Variants in HRNR observed in about 807,000 individuals in gnomAD.
HRNR encodes filaggrin family member 3.
Under a neutral mutation model 4.8 loss-of-function variants are expected in HRNR, and 7 were observed. That is an observed-to-expected ratio of 1.47 (90% CI 0.83 to 2.75). The LOEUF (loss-of-function observed/expected upper bound fraction) is 2.75. Ranked by LOEUF, HRNR falls within the 30% of genes most tolerant of loss-of-function variation. The pLI, the probability that HRNR is intolerant of heterozygous loss-of-function variation, is 0.00. For missense variants in HRNR, 2,879 were observed against 3,010.4 expected (o/e 0.96, Z 1.02); for synonymous variants, 1,023 against 1,242.7 (o/e 0.82, Z 3.72).
rs1365369563 is a variant in HRNR, at chr1:152,220,920, T to C, written c.709A>G (p.Ser237Gly). 1 of 1,613,488 alleles carries C rather than the reference T, an allele frequency of 6.2e-7. No homozygotes were observed. Among genetic ancestry groups the C allele is most frequent in the East Asian group, 2.2e-5 (1 of 44,810 alleles). Residue 237 changes from serine (S) to glycine (G), a missense_variant, in exon 3 of 3, where the codon AGC becomes GGC. By Grantham distance (56) the Ser-to-Gly change is moderately conservative. Transcript: ENST00000368801. ...QSSGFSQHKSSSGQSSGYSQH... is the reference protein window; with the variant it reads ...QSSGFSQHKSGSGQSSGYSQH... ...CTGTAACCAGAGGACTGCCCTGAGC[T>C]AGACTTGTGTTGACTAAAGCCAGAA...
intron 1 of HRNR, among the ~76,000 whole-genome samples, 172 bp downstream of exon 1, chr1:152,223,971 C>T (rs901885185): frequency 6.6e-6 from 1 of 152,134 alleles, no homozygotes; most frequent in African/African-American, 2.4e-5. Flanking sequence ...TATACATAGT[C>T]CTAGTCTTTG....
rs921378070 is a variant in HRNR at position 152,220,482 on chromosome 1, G to A, written c.1147C>T (p.Gln383Ter). The A allele has an allele frequency of 5.0e-6, 8 of 1,612,270 alleles. No individual in the cohort carries two copies. The highest frequency in any genetic ancestry group is 6.8e-6 in the Non-Finnish European group (8 of 1,178,900). The change falls in exon 3 of 3, where the codon CAG (glutamine) becomes TAG (stop). Residue 383 changes from glutamine (Q) to a stop codon, truncating the protein, a stop_gained. Coordinates refer to ENST00000368801, the MANE Select transcript of HRNR (RefSeq NM_001009931.3). LOFTEE classifies it low-confidence loss of function (END_TRUNC). ...CCATGTTGGCCAGAGCTTGATGCCTGCCCTGACGTAGATCCATGTTGTCCC... is the reference window on the plus strand; with the variant it reads ...CCATGTTGGCCAGAGCTTGATGCCTACCCTGACGTAGATCCATGTTGTCCC... ...SQGQHGSTSG[Q>*]ASSSGQHGSS...
rs781244045 is a variant in HRNR at position 152,220,935 on chromosome 1, T to C, written c.694A>G (p.Ser232Gly). ...TGCCCTGAGCTAGACTTGTGTTGAC[T>C]AAAGCCAGAAGACTGGCCTGAGCCA... ...GSGSGQSSGF[S>G]QHKSSSGQSS... Residue 232 changes from serine to glycine, a missense_variant, in exon 3 of 3, where the codon AGT becomes GGT. Ser to Gly is a moderately conservative substitution (Grantham distance 56, BLOSUM62 0). Coordinates refer to ENST00000368801, the MANE Select transcript of HRNR (RefSeq NM_001009931.3). The C allele has an allele frequency of 3.7e-5, 60 of 1,611,730 alleles. No individual in the cohort carries two copies. Among genetic ancestry groups the C allele is most frequent in the East Asian group, 8.9e-5 (4 of 44,818 alleles).
In HRNR at chr1:152,218,552, G is replaced by A. The variant is rs1470169128; in HGVS notation, c.3077C>T (p.Pro1026Leu). 4 of 1,612,378 alleles carry A rather than the reference G, an allele frequency of 2.5e-6. No homozygotes were observed. The highest frequency in any genetic ancestry group is 3.4e-6 in the Non-Finnish European group (4 of 1,179,540). Residue 1026 changes from proline (P) to leucine (L), a missense_variant, in exon 3 of 3, where the codon CCA (proline) becomes CTA (leucine). Pro to Leu is a moderately conservative substitution (Grantham distance 98). Coordinates refer to ENST00000368801, the MANE Select transcript of HRNR (RefSeq NM_001009931.3). ...AGACCACCCTGAGCCAGACCTATATGGGCCATAGCTGGAAGACTGCCCGGA... is the reference window on the plus strand; with the variant it reads ...AGACCACCCTGAGCCAGACCTATATAGGCCATAGCTGGAAGACTGCCCGGA... ...SGSGQSSSYG[P>L]YRSGSGWSSS...
chr1:152,223,062 A>T, intron 2 of HRNR, 54 bp downstream of exon 2: 1 of 1,558,606 alleles, frequency 6.4e-7, no homozygotes, highest in South Asian at 1.1e-5. Flanking sequence ...AGAAGGTGGA[A>T]AGGGATAAAG....
intron 2 of HRNR, among the ~76,000 whole-genome samples, chr1:152,221,708 T>G (rs760502921): frequency 6.6e-6 from 1 of 152,144 alleles, no homozygotes; most frequent in Non-Finnish European, 1.5e-5. Flanking sequence ...AGGATGCAAC[T>G]GGAAGATGAA....
chr1:152,219,742 G>A lies in HRNR; in HGVS notation c.1887C>T (p.Thr629=), dbSNP rs559142547. The A allele has an allele frequency of 6.2e-7, 1 of 1,613,058 alleles. No homozygotes were observed. The highest frequency in any genetic ancestry group is 1.3e-5 in the African/African-American group (1 of 74,730). ...GACCGTGGCTGGAAGACTGACCTGA[G>A]GTAGCTCCATGTTGGCCACAGCTCG... ...QSSSCGQHGA[T]SGQSSSHGQH... Residue 629 remains threonine, a synonymous_variant, in exon 3 of 3, where the codon ACC becomes ACT. Coordinates refer to ENST00000368801, the MANE Select transcript of HRNR (RefSeq NM_001009931.3).
chr1:152,222,528 T>TGA (rs1019119369), intron 2 of HRNR, among the ~76,000 whole-genome samples: 59 of 152,120 alleles, frequency 3.9e-4, no homozygotes, highest in African/African-American at 1.3e-3. Flanking sequence ...TGGTGTCTGC[T>TGA]GAGAGAGAGA....
In HRNR at chr1:152,218,811, G is replaced by A. The variant is rs759331000; in HGVS notation, c.2818C>T (p.Gln940Ter). Residue 940 changes from glutamine (Q) to a stop codon, truncating the protein, a stop_gained, in exon 3 of 3, where the codon CAG becomes TAG. Coordinates refer to ENST00000368801, the MANE Select transcript of HRNR (RefSeq NM_001009931.3). LOFTEE classifies it low-confidence loss of function (END_TRUNC). ...CCATGCTGAGTGTAACCAGAGGACT[G>A]CCCTGAGCTAGACTTGTGACCAAAG... Reference protein sequence around the residue: ...SGFGHKSSSGQSSGYTQHGSG... With the variant: ...SGFGHKSSSG The A allele has an allele frequency of 3.1e-6, 5 of 1,613,250 alleles. No individual in the cohort carries two copies. The South Asian group carries it at 3.3e-5, about 11-fold the overall frequency.
intron 2 of HRNR, among the ~76,000 whole-genome samples, chr1:152,222,038 G>A (rs1391467349): frequency 6.6e-6 from 1 of 152,184 alleles, no homozygotes; most frequent in Non-Finnish European, 1.5e-5. Context: ...GTACATCAGA[G>A]AGGAAACATT....
In HRNR at chr1:152,218,432, T is replaced by C. The variant is rs749483761; in HGVS notation, c.3197A>G (p.His1066Arg). 9 of 1,613,424 alleles carry C rather than the reference T, an allele frequency of 5.6e-6. No homozygotes were observed. The highest frequency in any genetic ancestry group is 1.6e-4 in the Middle Eastern group (1 of 6,082). Residue 1066 changes from histidine to arginine, a missense_variant, in exon 3 of 3, where the codon CAT (histidine) becomes CGT (arginine). His to Arg is a conservative substitution (Grantham distance 29, BLOSUM62 0). Transcript: ENST00000368801. ...RSGQSSGYGQ[H>R]GSSSGHSSTH... ...AGAGGAATGACCTGAGCTAGATCCA[T>C]GTTGACCGTAGCCAGAGGACTGTCC...
Position 152,213,278 on chromosome 1 carries a change from C to G in HRNR, c.8351G>C (p.Ser2784Thr). 6.6e-7 allele frequency: 1 copy of G among 1,525,414 alleles called. No individual in the cohort carries two copies. Among genetic ancestry groups the G allele is most frequent in the Admixed American group, 1.8e-5 (1 of 55,972 alleles). The allele number at this position is 1,525,414 out of a possible 1,614,324, so 94.5% of individuals were successfully genotyped here. ...TGAGCCAGACCCATGTTGGCCGTAG[C>G]TGGAAGACTGCCCTGAACCAGACCC... ...RHGSGSGQSS[S>T]YGQHGSGSGQ... The change falls in exon 3 of 3, where the codon AGC becomes ACC. Residue 2784 changes from serine to threonine, a missense_variant. Coordinates refer to ENST00000368801, the MANE Select transcript of HRNR (RefSeq NM_001009931.3).
chr1:152,219,094 T>G lies in HRNR; in HGVS notation c.2535A>C (p.Gly845=), dbSNP rs150644326. 1.2e-6 allele frequency: 2 copies of G among 1,611,592 alleles called. No individual in the cohort carries two copies. Among genetic ancestry groups the G allele is most frequent in the East Asian group, 4.5e-5 (2 of 44,680 alleles). The part of the protein sequence containing the change: ...SGHFSSQGRH[G]STSGQSSSSG... The stretch of plus-strand genomic sequence containing the variant: ...AGCTTGATGACTGCCCTGACGTAGA[T>G]CCATGTCGTCCCTGGCTAGAGAAGT... Residue 845 remains glycine (G), a synonymous_variant, in exon 3 of 3, where the codon GGA becomes GGC. Transcript: ENST00000368801.
chr1:152,223,430 A>G (rs1366412486), intron 1 of HRNR, among the ~76,000 whole-genome samples, 152 bp from the exon 2 acceptor site: 1 of 152,248 alleles, frequency 6.6e-6, no homozygotes, highest in Non-Finnish European at 1.5e-5. Flanking sequence ...TCAGAGTTGA[A>G]TGACTTGTTC....
In HRNR at chr1:152,221,056, G is replaced by T; in HGVS notation, c.573C>A (p.Gly191=). ...CTGACCCAGACCCACATTGGCCGCG[G>T]CCTGAAGACTGATGGGAGTCGGAGT... The part of the protein sequence containing the change: ...EQNSDSHQSS[G]RGQCGSGSGQ... Residue 191 remains glycine, a synonymous_variant, in exon 3 of 3, where the codon GGC becomes GGA. Transcript: ENST00000368801. 1 of 1,613,442 alleles carries T rather than the reference G, an allele frequency of 6.2e-7. No homozygotes were observed. The highest frequency in any genetic ancestry group is 8.5e-7 in the Non-Finnish European group (1 of 1,179,488).
rs1407839952 is a variant in HRNR, at chr1:152,220,186, A to G, written c.1443T>C (p.His481=). ...CGGAGGAGTGACCTGAGCCAGATCC[A>G]TGCTGAGTGTAACCAGAGGAATGCT... ...SSEHSSGYTQ[H]GSGSGHSSGH... Residue 481 remains histidine, a synonymous_variant, in exon 3 of 3, where the codon CAT becomes CAC. Transcript: ENST00000368801. 3.1e-6 allele frequency: 5 copies of G among 1,613,568 alleles called. No individual in the cohort carries two copies. The highest frequency in any genetic ancestry group is 1.6e-4 in the Middle Eastern group (1 of 6,078).
At position 152,219,339 on chromosome 1, in the gene HRNR, C is replaced by A. The variant is rs750750547; in HGVS notation, c.2290G>T (p.Gly764Cys). ...GATCCAGACCCTTGTCGGCCGTGGC[C>A]CGAAGATTGATGGGAGCCCGACCCA... ...QHGSGSHQSS[G>C]HGRQGSGSGH... Residue 764 changes from glycine (G) to cysteine (C), a missense_variant, in exon 3 of 3, where the codon GGC (glycine) becomes TGC (cysteine). Physicochemically the swap from Gly to Cys is radical, Grantham distance 159. This residue lies in a region of HRNR where 2,646 missense variants were observed against 1,377.7 expected (regional missense o/e 1.92). Coordinates refer to ENST00000368801, the MANE Select transcript of HRNR (RefSeq NM_001009931.3). 1.2e-6 allele frequency: 2 copies of A among 1,612,248 alleles called. No individual in the cohort carries two copies. Among genetic ancestry groups the A allele is most frequent in the East Asian group, 4.5e-5 (2 of 44,620 alleles).
Position 152,218,501 on chromosome 1 carries a change from C to G in HRNR, c.3128G>C (p.Gly1043Ala). The G allele has an allele frequency of 1.9e-6, 3 of 1,613,746 alleles. No homozygotes were observed. The highest frequency in any genetic ancestry group is 2.2e-5 in the East Asian group (1 of 44,798). ...WSSSRGPYES[G>A]SGHSSGLGHR... is the part of the protein sequence containing the mutation. ...ACCTAAGCCAGAAGAGTGACCGGAG[C>G]CAGACTCATATGGGCCACGGCTTGA... The change falls in exon 3 of 3, where the codon GGC becomes GCC. Residue 1043 changes from glycine to alanine, a missense_variant. Gly to Ala is a moderately conservative substitution (Grantham distance 60). Coordinates refer to ENST00000368801, the MANE Select transcript of HRNR (RefSeq NM_001009931.3).
rs376465935 is a variant in HRNR, at chr1:152,220,535, C to T, written c.1094G>A (p.Gly365Asp). Reference protein sequence around the residue: ...SGQSSGYSKHGSGSGHSSSQG... With the variant: ...SGQSSGYSKHDSGSGHSSSQG... The stretch of plus-strand genomic sequence containing the variant: ...GCTAGAGGAGTGACCTGAGCCAGAA[C>T]CATGCTTACTATAGCCAGAGGACTG... The change falls in exon 3 of 3, where the codon GGT (glycine) becomes GAT (aspartate). Residue 365 changes from glycine to aspartate, a missense_variant. Physicochemically the swap from Gly to Asp is moderately conservative, Grantham distance 94. Around this residue, in one of 8 missense-constraint regions of HRNR, gnomAD observed 2,646 missense variants for 1,377.7 expected, o/e 1.92. Coordinates refer to ENST00000368801, the MANE Select transcript of HRNR (RefSeq NM_001009931.3). 5.5e-5 allele frequency: 89 copies of T among 1,611,746 alleles called. No individual in the cohort carries two copies. Among genetic ancestry groups the T allele is most frequent in the East Asian group, 1.1e-4 (5 of 44,778 alleles).
Sources: allele counts gnomAD v4.1 joint callset (sites outside exome capture counted in the v4.1 genomes callset), GRCh38; gene constraint gnomAD v4.1.1; regional missense constraint gnomAD v4.1.1; transcripts MANE v1.5; gene names NCBI Gene and HGNC (gene_info 2026-07-23, HGNC 2026-07-21).